FSTL5: variants seen among roughly 807,000 people sequenced by gnomAD.
The protein encoded by FSTL5 is follistatin-related protein 5.
In FSTL5, 62 loss-of-function variants were observed where a neutral mutation model predicts 89.1. The ratio of observed to expected loss-of-function variants is 0.70; its 90% CI spans 0.57 to 0.86. The LOEUF is 0.86. Among genes scored for constraint, FSTL5 ranks in the 40% least tolerant of loss-of-function variants. The pLI, the probability that FSTL5 is intolerant of heterozygous loss-of-function variation, is 0.00. For missense variants in FSTL5, 1,057 were observed against 1,001.6 expected, an observed-to-expected ratio of 1.06 and a Z score of -0.75; for synonymous variants, 383 against 346.2, an observed-to-expected ratio of 1.11 and a Z score of -1.18.
chr4:161,640,450 C>A (rs1487435082), intron 7 of FSTL5, among the ~76,000 whole-genome samples: 1 of 151,944 alleles, frequency 6.6e-6, no homozygotes, highest in African/African-American at 2.4e-5. Flanking sequence ...AAACAAGCAT[C>A]CATAAAGAAT....
At chr4:161,607,351 C>G (rs1241206952) in intron 7 of FSTL5, among the ~76,000 whole-genome samples, 1 of 152,006 alleles carries the variant, frequency 6.6e-6, no homozygotes, top group African/African-American at 2.4e-5. Context: ...GACCCAGCTG[C>G]CTTTTTTAAG....
intron 4 of FSTL5, among the ~76,000 whole-genome samples, chr4:161,830,493 G>C (rs1380699256): frequency 1.3e-5 from 2 of 151,550 alleles, no homozygotes; most frequent in African/African-American, 4.8e-5. Flanking sequence ...ACTTTTTATT[G>C]AACTTTTTAT....
intron 4 of FSTL5, among the ~76,000 whole-genome samples, chr4:161,890,672 A>G (rs1308793937): frequency 7.5e-6 from 1 of 133,276 alleles, no homozygotes; most frequent in Non-Finnish European, 1.6e-5. Context: ...TGGGCAGCAG[A>G]GCAAGACTCT....
At chr4:162,017,164 T>C (rs1295255100) in intron 3 of FSTL5, among the ~76,000 whole-genome samples, 3 of 152,212 alleles carry the variant, frequency 2.0e-5, no homozygotes, top group Non-Finnish European at 4.4e-5. Flanking sequence ...CCGTGCAGGT[T>C]TGTCCTGCTG....
At chr4:161,805,606 A>G (rs1729940675) in intron 4 of FSTL5, among the ~76,000 whole-genome samples, 1 of 152,168 alleles carries the variant, frequency 6.6e-6, no homozygotes, top group Non-Finnish European at 1.5e-5. Context: ...TCAGCATATG[A>G]TGAATTCAAG....
intron 15 of FSTL5, among the ~76,000 whole-genome samples, chr4:161,450,898 C>T (rs960034893): frequency 6.6e-6 from 1 of 151,920 alleles, no homozygotes; most frequent in Admixed American, 6.6e-5. Context: ...CGCCCACCAC[C>T]ACGCCTGGCT....
At chr4:161,905,552 C>G (rs74331190) in intron 4 of FSTL5, among the ~76,000 whole-genome samples, 7,061 of 152,014 alleles carry the variant, frequency 0.046, 211 homozygotes, top group Non-Finnish European at 0.07. Flanking sequence ...ATTCAAGAAA[C>G]AAACAAAATA....
chr4:161,869,784 C>T (rs977596848), intron 4 of FSTL5, among the ~76,000 whole-genome samples: 1 of 152,210 alleles, frequency 6.6e-6, no homozygotes, highest in Non-Finnish European at 1.5e-5. Flanking sequence ...AGTGTTAATA[C>T]ATTAGCATAT....
intron 3 of FSTL5, among the ~76,000 whole-genome samples, chr4:161,935,571 T>TA (rs1734409846): frequency 6.6e-6 from 1 of 152,188 alleles, no homozygotes; most frequent in Non-Finnish European, 1.5e-5. Context: ...GAGAGGTAAT[T>TA]AAAAATTGGA....
chr4:161,624,496 T>C (rs981435685), intron 7 of FSTL5, among the ~76,000 whole-genome samples: 6 of 151,830 alleles, frequency 4.0e-5, no homozygotes, highest in African/African-American at 1.4e-4. Flanking sequence ...ATTTATCATT[T>C]ATAATATAAA....
chr4:161,926,943 G>T (rs1194425461), intron 3 of FSTL5, among the ~76,000 whole-genome samples: 1 of 151,826 alleles, frequency 6.6e-6, no homozygotes, highest in Admixed American at 6.6e-5. Context: ...TAGATTGGTA[G>T]ATACAGAGAC....
intron 6 of FSTL5, among the ~76,000 whole-genome samples, chr4:161,674,141 T>G (rs1021038365): frequency 2.0e-5 from 3 of 152,072 alleles, no homozygotes; most frequent in Non-Finnish European, 4.4e-5. Context: ...ATAATATACT[T>G]AAAAACGTAT....
intron 7 of FSTL5, among the ~76,000 whole-genome samples, chr4:161,603,996 CAAAT>C (rs966567846): frequency 6.6e-6 from 1 of 151,988 alleles, no homozygotes; most frequent in Non-Finnish European, 1.5e-5. Context: ...AGATCAATAA[CAAAT>C]AAATGCAATT....
At chr4:161,794,119 T>C (rs1307844854) in intron 4 of FSTL5, among the ~76,000 whole-genome samples, 1 of 152,160 alleles carries the variant, frequency 6.6e-6, no homozygotes, top group Non-Finnish European at 1.5e-5. Context: ...GTTCTTAGCC[T>C]GTGTTTCACA....
At chr4:161,939,382 G>C (rs1209113694) in intron 3 of FSTL5, among the ~76,000 whole-genome samples, 1 of 151,836 alleles carries the variant, frequency 6.6e-6, no homozygotes, top group African/African-American at 2.4e-5. Context: ...GTAAATATAA[G>C]AGCTTTCTTT....
At chr4:162,094,183 T>C (rs926615445) in intron 2 of FSTL5, among the ~76,000 whole-genome samples, 1 of 152,042 alleles carries the variant, frequency 6.6e-6, no homozygotes, top group African/African-American at 2.4e-5. Flanking sequence ...AGTCAAGAGA[T>C]TGAGACCATC....
intron 4 of FSTL5, among the ~76,000 whole-genome samples, chr4:161,843,880 C>A (rs1731286050): frequency 6.6e-6 from 1 of 152,064 alleles, no homozygotes; most frequent in Non-Finnish European, 1.5e-5. Context: ...AGGACACAGG[C>A]ACTGGCAAAG....
intron 13 of FSTL5, among the ~76,000 whole-genome samples, chr4:161,471,456 A>G (rs970976033): frequency 2.6e-5 from 4 of 152,148 alleles, no homozygotes; most frequent in African/African-American, 9.7e-5. Context: ...TGGTTCGCTA[A>G]TATTTAGTTG....
At chr4:161,926,136 G>T (rs1190824701) in intron 3 of FSTL5, among the ~76,000 whole-genome samples, 4 of 151,826 alleles carry the variant, frequency 2.6e-5, no homozygotes, top group Non-Finnish European at 5.9e-5. Flanking sequence ...ATACTGGAAT[G>T]CCCACAGAAG....
Sources: allele counts gnomAD v4.1 joint callset (sites outside exome capture counted in the v4.1 genomes callset), GRCh38; gene constraint gnomAD v4.1.1; transcripts MANE v1.5; gene names NCBI Gene and HGNC (gene_info 2026-07-23, HGNC 2026-07-21).